Variants in BMPR1A observed in about 807,000 individuals in gnomAD.
The protein encoded by BMPR1A is bone morphogenetic protein receptor type-1A.
In BMPR1A, 7 loss-of-function variants were observed where a neutral mutation model predicts 66.0. That is an observed-to-expected ratio of 0.11 (90% confidence interval 0.06 to 0.20). The LOEUF (loss-of-function observed/expected upper bound fraction) is 0.20. Ranked by LOEUF, BMPR1A falls within the 10% of genes least tolerant of loss-of-function variation. The pLI is 1.00. For synonymous variants in BMPR1A, 200 were observed against 229.7 expected, an observed-to-expected ratio of 0.87 and a Z score of 1.17; for missense variants, 408 against 669.1, an observed-to-expected ratio of 0.61 and a Z score of 4.31.
intron 2 of BMPR1A, among the ~76,000 whole-genome samples, chr10:86,867,625 CA>C (rs923654518): frequency 2.0e-5 from 3 of 152,042 alleles, no homozygotes; most frequent in Admixed American, 6.5e-5. Context: ...TACAGTTAAA[CA>C]AAAAAGCTTT....
chr10:86,819,222 CTG>C, intron 1 of BMPR1A, among the ~76,000 whole-genome samples: 1 of 152,106 alleles, frequency 6.6e-6, no homozygotes, highest in Non-Finnish European at 1.5e-5. Flanking sequence ...CTGGAGATCT[CTG>C]TATGTGTGTT....
intron 11 of BMPR1A, among the ~76,000 whole-genome samples, chr10:86,922,263 A>G (rs1305577325): frequency 6.6e-6 from 1 of 152,118 alleles, no homozygotes; most frequent in East Asian, 1.9e-4. Flanking sequence ...ATGATACTCC[A>G]TTGTGTGTAG....
chr10:86,923,290 C>T, intron 11 of BMPR1A, 86 bp from the exon 12 acceptor site: 2 of 1,566,628 alleles, frequency 1.3e-6, no homozygotes, highest in Non-Finnish European at 1.8e-6. Context: ...CGTTTTAGTT[C>T]CATAGTTTAG....
At chr10:86,771,495 A>C (rs1841260978) in intron 1 of BMPR1A, among the ~76,000 whole-genome samples, 2 of 152,174 alleles carry the variant, frequency 1.3e-5, no homozygotes, top group Non-Finnish European at 2.9e-5. Flanking sequence ...TTACATGAGG[A>C]AACTAAGGCT....
chr10:86,883,842 A>G (rs1489535029), intron 3 of BMPR1A, among the ~76,000 whole-genome samples: 2 of 151,318 alleles, frequency 1.3e-5, no homozygotes, highest in African/African-American at 2.4e-5. Context: ...AAAGGAGTTC[A>G]ACAGTGTAAA....
intron 1 of BMPR1A, among the ~76,000 whole-genome samples, chr10:86,795,626 A>G (rs1161956333): frequency 6.6e-6 from 1 of 152,140 alleles, no homozygotes; most frequent in East Asian, 1.9e-4. Context: ...ATTTGCCACT[A>G]TGTCTTCAAC....
intron 8 of BMPR1A, among the ~76,000 whole-genome samples, chr10:86,912,822 A>G (rs373531447): frequency 6.6e-6 from 1 of 151,270 alleles, no homozygotes; most frequent in African/African-American, 2.4e-5. Context: ...AGAAGTTTCA[A>G]CAGATATTCT....
chr10:86,865,334 T>TCCACCACAAAAG (rs1327561853), intron 2 of BMPR1A, among the ~76,000 whole-genome samples: 1 of 152,240 alleles, frequency 6.6e-6, no homozygotes, highest in African/African-American at 2.4e-5. Flanking sequence ...GTGATGACAT[T>TCCACCACAAAAG]ACCTTGTGAA....
intron 8 of BMPR1A, among the ~76,000 whole-genome samples, chr10:86,916,518 G>A (rs545701183): frequency 3.3e-5 from 5 of 152,268 alleles, no homozygotes; most frequent in African/African-American, 7.2e-5. Flanking sequence ...CATCACGTTC[G>A]CTGTTGTTCT....
At chr10:86,852,350 A>G (rs568273978) in intron 2 of BMPR1A, among the ~76,000 whole-genome samples, 22 of 152,290 alleles carry the variant, frequency 1.4e-4, no homozygotes, top group African/African-American at 4.6e-4. Context: ...AACACCTAGA[A>G]CAAAACAATA....
At chr10:86,849,005 G>A (rs1842528229) in intron 2 of BMPR1A, among the ~76,000 whole-genome samples, 1 of 152,112 alleles carries the variant, frequency 6.6e-6, no homozygotes, top group South Asian at 2.1e-4. Context: ...ACCTCACCCT[G>A]TCCCTTTCAT....
chr10:86,815,858 TG>T (rs1842030194), intron 1 of BMPR1A, among the ~76,000 whole-genome samples: 1 of 152,214 alleles, frequency 6.6e-6, no homozygotes, highest in East Asian at 1.9e-4. Flanking sequence ...TGACTGATGC[TG>T]GCCAGTGGAC....
chr10:86,799,521 T>TTTTC (rs1564688878), intron 1 of BMPR1A, among the ~76,000 whole-genome samples: 1 of 140,840 alleles, frequency 7.1e-6, no homozygotes, highest in Non-Finnish European at 1.5e-5. Flanking sequence ...TTTTCTTTTC[T>TTTTC]TTTCTTTTCT....
intron 7 of BMPR1A, 102 bp downstream of exon 7, chr10:86,900,228 G>A (rs1843290348): frequency 9.0e-7 from 1 of 1,107,304 alleles, no homozygotes; most frequent in Non-Finnish European, 1.3e-6. Context: ...GTATTCTCTG[G>A]TTGTATATCT....
At chr10:86,887,714 G>A (rs916329683) in intron 3 of BMPR1A, among the ~76,000 whole-genome samples, 2 of 152,172 alleles carry the variant, frequency 1.3e-5, no homozygotes, top group African/African-American at 4.8e-5. Context: ...ATCAGTTGCT[G>A]TGATATATTA....
At chr10:86,803,740 A>C (rs1347904487) in intron 1 of BMPR1A, among the ~76,000 whole-genome samples, 2 of 152,108 alleles carry the variant, frequency 1.3e-5, no homozygotes, top group African/African-American at 2.4e-5. Context: ...ATACTTGGTA[A>C]AGCAAATTTT....
chr10:86,880,548 G>C (rs934639304), intron 3 of BMPR1A, among the ~76,000 whole-genome samples: 1 of 152,140 alleles, frequency 6.6e-6, no homozygotes, highest in African/African-American at 2.4e-5. Context: ...CTACCACCGT[G>C]TACTCACTCA....
At chr10:86,816,460 T>C (rs1426219836) in intron 1 of BMPR1A, among the ~76,000 whole-genome samples, 1 of 152,232 alleles carries the variant, frequency 6.6e-6, no homozygotes, top group Non-Finnish European at 1.5e-5. Context: ...TGACAAAAGC[T>C]GGTCAGTTGA....
At chr10:86,861,102 A>G (rs565087164) in intron 2 of BMPR1A, among the ~76,000 whole-genome samples, 2 of 152,126 alleles carry the variant, frequency 1.3e-5, no homozygotes, top group Admixed American at 1.3e-4. Context: ...TGGCCTCCCA[A>G]AGTGCTGGGA....
Sources: gnomAD v4.1 joint callset for allele counts (sites outside exome capture counted in the v4.1 genomes callset) on GRCh38, gnomAD v4.1.1 for gene constraint, MANE v1.5 for transcripts, NCBI Gene and HGNC (gene_info 2026-07-23, HGNC 2026-07-21) for gene names.